SYN3: variants seen among roughly 807,000 people sequenced by gnomAD.
SYN3 encodes the protein synapsin-3.
In SYN3, 35 loss-of-function variants were observed where a neutral mutation model predicts 65.8. The ratio of observed to expected loss-of-function variants is 0.53; its 90% confidence interval spans 0.41 to 0.70. The LOEUF (loss-of-function observed/expected upper bound fraction) is 0.70, where lower values mean the gene tolerates loss of function less well. Ranked by LOEUF, SYN3 falls within the 30% of genes least tolerant of loss-of-function variation. The pLI is 0.00. For synonymous variants in SYN3, 270 were observed against 292.9 expected, an observed-to-expected ratio of 0.92 and a Z score of 0.80; for missense variants, 680 against 749.0, an observed-to-expected ratio of 0.91 and a Z score of 1.08.
At chr22:32,690,809 G>A (rs1321351505) in intron 6 of SYN3, among the ~76,000 whole-genome samples, 2 of 152,192 alleles carry the variant, frequency 1.3e-5, no homozygotes, top group African/African-American at 4.8e-5. Context: ...CTAGGGCAGA[G>A]ACAAATTTAC....
intron 4 of SYN3, among the ~76,000 whole-genome samples, chr22:32,920,233 G>C (rs1386861086): frequency 6.6e-6 from 1 of 152,286 alleles, no homozygotes; most frequent in South Asian, 2.1e-4. Flanking sequence ...TTAGATTGGG[G>C]TCTCATTAAC....
intron 7 of SYN3, among the ~76,000 whole-genome samples, chr22:32,567,513 A>C (rs1425757073): frequency 6.6e-6 from 1 of 152,104 alleles, no homozygotes; most frequent in Admixed American, 6.6e-5. Context: ...CAAATTCTCA[A>C]TTGGTCCTTA....
At chr22:32,559,917 G>A (rs2058561572) in intron 7 of SYN3, among the ~76,000 whole-genome samples, 1 of 152,230 alleles carries the variant, frequency 6.6e-6, no homozygotes, top group Non-Finnish European at 1.5e-5. Context: ...TGGGTGAGTG[G>A]GCTCAAGCCT....
intron 4 of SYN3, among the ~76,000 whole-genome samples, chr22:32,891,858 T>C (rs1601634298): frequency 6.6e-6 from 1 of 151,956 alleles, no homozygotes; most frequent in Non-Finnish European, 1.5e-5. Flanking sequence ...GGAACCTTAA[T>C]ACCTTCCTCA....
At chr22:32,630,736 G>A (rs1229792688) in intron 6 of SYN3, among the ~76,000 whole-genome samples, 2 of 152,164 alleles carry the variant, frequency 1.3e-5, no homozygotes, top group Non-Finnish European at 2.9e-5. Context: ...TTTCCCCTTA[G>A]GACTTCCTCT....
chr22:32,835,483 T>TG (rs2047705095), intron 6 of SYN3, among the ~76,000 whole-genome samples: 1 of 151,984 alleles, frequency 6.6e-6, no homozygotes, highest in Admixed American at 6.6e-5. Context: ...AGGAGGTGGT[T>TG]GGGGATGGCT....
intron 3 of SYN3, among the ~76,000 whole-genome samples, chr22:32,940,336 C>T (rs563873411): frequency 1.5e-4 from 23 of 151,920 alleles, no homozygotes; most frequent in African/African-American, 4.3e-4. Flanking sequence ...AGTTTTTTAA[C>T]GAAGAATATA....
chr22:32,974,174 T>C (rs955604830), intron 3 of SYN3, among the ~76,000 whole-genome samples: 1 of 152,218 alleles, frequency 6.6e-6, no homozygotes, highest in Non-Finnish European at 1.5e-5. Flanking sequence ...TGCTTATTGT[T>C]CTTGATATTT....
In SYN3 at chr22:32,860,696, T is replaced by C. The variant is rs553262614; in HGVS notation, c.711+4219A>G. The C allele has an allele frequency of 2.0e-5, 3 of 152,254 alleles. No individual in the cohort carries two copies. In the South Asian group the frequency reaches 6.2e-4, roughly 32 times the overall value. The allele number at this position is 152,254 out of a possible 1,614,324, so 9.4% of individuals were successfully genotyped here. A position where few individuals can be genotyped will look rare whatever the true frequency, so the allele number is the denominator to read the frequency against. Reference sequence around the variant, plus strand: ...GCTTAGCTCAGATGGCAGATGAGAGTGTAGTCAAGGGCCTGGGCACAGGAG... The same window carrying C: ...GCTTAGCTCAGATGGCAGATGAGAGCGTAGTCAAGGGCCTGGGCACAGGAG... On this transcript the variant is annotated intron_variant, in intron 6 of 13. Transcript: ENST00000358763.
intron 7 of SYN3, among the ~76,000 whole-genome samples, chr22:32,559,693 C>T (rs889770598): frequency 2.6e-5 from 4 of 151,958 alleles, no homozygotes; most frequent in African/African-American, 9.7e-5. Flanking sequence ...CCGGGCGTGG[C>T]GGCGGGTGGC....
chr22:32,562,321 T>C (rs1246153309), intron 7 of SYN3, among the ~76,000 whole-genome samples: 2 of 152,210 alleles, frequency 1.3e-5, no homozygotes, highest in African/African-American at 4.8e-5. Flanking sequence ...TTTGTCAGGC[T>C]GAGGACAGGG....
intron 6 of SYN3, among the ~76,000 whole-genome samples, chr22:32,608,981 C>T (rs1049517079): frequency 2.0e-5 from 3 of 151,776 alleles, no homozygotes; most frequent in African/African-American, 7.3e-5. Flanking sequence ...TAAAGTTTTC[C>T]TTTTTGTACT....
intron 6 of SYN3, among the ~76,000 whole-genome samples, chr22:32,852,455 A>G (rs977593319): frequency 2.6e-5 from 4 of 152,166 alleles, no homozygotes; most frequent in African/African-American, 9.7e-5. Flanking sequence ...AGGAGGGAAG[A>G]GAGAGAGGCC....
chr22:32,628,247 G>A (rs536744094), intron 6 of SYN3, among the ~76,000 whole-genome samples: 19 of 152,252 alleles, frequency 1.2e-4, no homozygotes, highest in Non-Finnish European at 2.4e-4. Flanking sequence ...GGGCCAATGA[G>A]TCCTTTTGCT....
At chr22:32,715,528 C>A (rs879786192) in intron 6 of SYN3, among the ~76,000 whole-genome samples, 2 of 152,094 alleles carry the variant, frequency 1.3e-5, no homozygotes, top group Non-Finnish European at 2.9e-5. Context: ...CGCCTGTAAT[C>A]CCAGCACTTT....
chr22:33,028,667 G>GTGA (rs2053684564), intron 1 of SYN3, among the ~76,000 whole-genome samples: 13 of 130,512 alleles, frequency 1.0e-4, no homozygotes, highest in African/African-American at 3.3e-4. Flanking sequence ...GGTGGTGGTG[G>GTGA]TGGTGGTGGT....
At chr22:32,619,204 C>A (rs147083630) in intron 6 of SYN3, among the ~76,000 whole-genome samples, 2 of 152,260 alleles carry the variant, frequency 1.3e-5, no homozygotes, top group African/African-American at 4.8e-5. Context: ...CGTTGAGGTC[C>A]GACAGCACTG....
intron 6 of SYN3, among the ~76,000 whole-genome samples, chr22:32,622,178 T>C (rs1242016432): frequency 1.3e-5 from 2 of 151,988 alleles, no homozygotes; most frequent in Non-Finnish European, 1.5e-5. Flanking sequence ...AAGTCCACTT[T>C]GTCCTGGAGA....
intron 4 of SYN3, among the ~76,000 whole-genome samples, chr22:32,896,500 A>G (rs1476261705): frequency 6.6e-6 from 1 of 152,198 alleles, no homozygotes; most frequent in Non-Finnish European, 1.5e-5. Flanking sequence ...TCATTATCAT[A>G]AGACATAAAG....
Sources: allele counts gnomAD v4.1 joint callset (sites outside exome capture counted in the v4.1 genomes callset), GRCh38; gene constraint gnomAD v4.1.1; transcripts MANE v1.5; gene names NCBI Gene and HGNC (gene_info 2026-07-23, HGNC 2026-07-21).